Variants in LYPLAL1 observed in about 807,000 individuals in gnomAD.
LYPLAL1 encodes the protein lysophospholipase like 1, also known as lysophospholipase-like protein 1.
LYPLAL1 carries 23 observed loss-of-function variants against 19.7 expected under a neutral mutation model. The observed-to-expected ratio is 1.17, with a 90% CI of 0.84 to 1.65. The LOEUF (loss-of-function observed/expected upper bound fraction) is 1.65, where lower values mean the gene tolerates loss of function less well. LYPLAL1 is among the 40% of genes most tolerant of loss of function. LYPLAL1 has a pLI of 0.00. For synonymous variants in LYPLAL1, 119 were observed against 96.3 expected, an observed-to-expected ratio of 1.24 and a Z score of -1.38; for missense variants, 355 against 279.4, an observed-to-expected ratio of 1.27 and a Z score of -1.93.
chr1:219,422,378 C>G, the LYPLAL1 span, among the ~76,000 whole-genome samples: 1 of 152,104 alleles, frequency 6.6e-6, no homozygotes, highest in African/African-American at 2.4e-5. Context: ...TTGTATTTTT[C>G]CTTCACATCA....
rs528801920 is a variant in LYPLAL1 at position 219,211,544 on chromosome 1, C to G, written c.530C>G (p.Thr177Ser). 3.8e-5 allele frequency: 61 copies of G among 1,613,188 alleles called. No individual in the cohort carries two copies. The South Asian group carries it at 6.3e-4, about 17-fold the overall frequency. ...VLPELFQCHGTADELVLHSWA... is the reference protein window; with the variant it reads ...VLPELFQCHGSADELVLHSWA... The stretch of plus-strand genomic sequence containing the variant: ...CCTGAATTATTTCAGTGTCATGGTA[C>G]TGCAGATGAGTTAGTTCTTCATTCT... The change falls in exon 5 of 5, where the codon ACT (threonine) becomes AGT (serine). Residue 177 changes from threonine (T) to serine (S), a missense_variant. Transcript: ENST00000366928.
chr1:219,301,617 G>T, the LYPLAL1 span, among the ~76,000 whole-genome samples: 1 of 152,022 alleles, frequency 6.6e-6, no homozygotes, highest in Non-Finnish European at 1.5e-5. Flanking sequence ...AAAGACAAGT[G>T]CTTTTATTTC....
chr1:219,375,465 T>G, the LYPLAL1 span, among the ~76,000 whole-genome samples: 1 of 119,256 alleles, frequency 8.4e-6, no homozygotes, highest in Non-Finnish European at 1.6e-5. Flanking sequence ...CACTCCAGCC[T>G]GAGCAACAAG....
chr1:219,199,600 G>T (rs909522115), intron 3 of LYPLAL1, among the ~76,000 whole-genome samples: 2 of 146,252 alleles, frequency 1.4e-5, no homozygotes, highest in African/African-American at 2.5e-5. Context: ...ACGCCACCAC[G>T]CCCGGCTAAT....
chr1:219,390,217 G>A, the LYPLAL1 span, among the ~76,000 whole-genome samples: 74 of 152,128 alleles, frequency 4.9e-4, 4 homozygotes, highest in Non-Finnish European at 2.9e-5. Context: ...GCTTTGACAT[G>A]CTATACTAAA....
At chr1:219,330,100 T>A in the LYPLAL1 span, among the ~76,000 whole-genome samples, 1 of 152,158 alleles carries the variant, frequency 6.6e-6, no homozygotes, top group African/African-American at 2.4e-5. Context: ...CCTTCAGTCA[T>A]GTGAGGAGTA....
chr1:219,368,685 G>A, the LYPLAL1 span, among the ~76,000 whole-genome samples: 11 of 152,324 alleles, frequency 7.2e-5, no homozygotes, highest in South Asian at 2.1e-4. Context: ...TGAAGCAATC[G>A]TGTGTATAAT....
the LYPLAL1 span, among the ~76,000 whole-genome samples, chr1:219,253,305 A>G: frequency 6.6e-6 from 1 of 150,426 alleles, no homozygotes; most frequent in African/African-American, 2.4e-5. Context: ...CTAATTTTGT[A>G]TTTTTCTCCT....
chr1:219,415,227 C>T, the LYPLAL1 span, among the ~76,000 whole-genome samples: 1 of 152,122 alleles, frequency 6.6e-6, no homozygotes, highest in African/African-American at 2.4e-5. Flanking sequence ...TAGAAAAAGA[C>T]ATAGAACCCA....
At chr1:219,322,020 G>A in the LYPLAL1 span, among the ~76,000 whole-genome samples, 30 of 152,262 alleles carry the variant, frequency 2.0e-4, no homozygotes, top group African/African-American at 6.5e-4. Flanking sequence ...TCTATATTTA[G>A]CACACCTATA....
At chr1:219,176,325 A>T (rs1421034810) in intron 1 of LYPLAL1, among the ~76,000 whole-genome samples, 2 of 152,092 alleles carry the variant, frequency 1.3e-5, no homozygotes, top group Non-Finnish European at 2.9e-5. Flanking sequence ...GTAATTATGT[A>T]ATGTAATGTC....
the LYPLAL1 span, among the ~76,000 whole-genome samples, chr1:219,388,371 C>T: frequency 1.3e-5 from 2 of 152,128 alleles, no homozygotes; most frequent in African/African-American, 2.4e-5. Context: ...GTTTCATTCA[C>T]GTTTCCTTGT....
chr1:219,401,065 C>T, the LYPLAL1 span, among the ~76,000 whole-genome samples: 2 of 152,150 alleles, frequency 1.3e-5, no homozygotes, highest in East Asian at 3.9e-4. Flanking sequence ...ATCAATATTA[C>T]ATTTTTAGAT....
At chr1:219,238,244 TCTC>T in the LYPLAL1 span, among the ~76,000 whole-genome samples, 3 of 149,358 alleles carry the variant, frequency 2.0e-5, no homozygotes, top group East Asian at 5.9e-4. Context: ...TTCACGCCAT[TCTC>T]CTGCCTCAGC....
chr1:219,279,716 T>C, the LYPLAL1 span, among the ~76,000 whole-genome samples: 1 of 152,194 alleles, frequency 6.6e-6, no homozygotes, highest in Non-Finnish European at 1.5e-5. Flanking sequence ...AGGATGTTTG[T>C]TTAATTGTAG....
At chr1:219,334,989 A>T in the LYPLAL1 span, among the ~76,000 whole-genome samples, 1 of 152,024 alleles carries the variant, frequency 6.6e-6, no homozygotes, top group African/African-American at 2.4e-5. Context: ...CTTCTTTCCC[A>T]TACTTGCACT....
the LYPLAL1 span, among the ~76,000 whole-genome samples, chr1:219,417,037 C>T: frequency 6.6e-6 from 1 of 152,188 alleles, no homozygotes; most frequent in African/African-American, 2.4e-5. Flanking sequence ...TTAACCTGCA[C>T]ACATAGCTGA....
At chr1:219,187,045 T>C (rs12119484) in intron 2 of LYPLAL1, among the ~76,000 whole-genome samples, 43,543 of 151,026 alleles carry the variant, frequency 0.29, 7,103 homozygotes, top group Non-Finnish European at 0.38. Context: ...GTTTTTTTTT[T>C]CCTTGTAACT....
At chr1:219,300,683 T>C in the LYPLAL1 span, among the ~76,000 whole-genome samples, 48,876 of 151,260 alleles carry the variant, frequency 0.32, 8,358 homozygotes, top group East Asian at 0.61. Flanking sequence ...TACAGGCACC[T>C]GCCACCATGC....
Sources: gnomAD v4.1 joint callset for allele counts (sites outside exome capture counted in the v4.1 genomes callset) on GRCh38, gnomAD v4.1.1 for gene constraint, MANE v1.5 for transcripts, NCBI Gene and HGNC (gene_info 2026-07-23, HGNC 2026-07-21) for gene names.